TRIO: variants seen among roughly 807,000 people sequenced by gnomAD.
TRIO encodes the protein trio Rho guanine nucleotide exchange factor.
TRIO carries 58 observed loss-of-function variants against 351.9 expected under a neutral mutation model. The observed-to-expected ratio is 0.16, with a 90% confidence interval of 0.13 to 0.21. The LOEUF (loss-of-function observed/expected upper bound fraction) is 0.21, where lower values mean the gene tolerates loss of function less well. Among genes scored for constraint, TRIO ranks in the 10% least tolerant of loss-of-function variants. The pLI is 1.00. For synonymous variants in TRIO, 1,758 were observed against 1,595.7 expected (o/e 1.10, Z -2.42); for missense variants, 3,201 against 4,027.8 (o/e 0.79, Z 5.56).
At chr5:14,272,206 A>C (rs1796017723) in intron 2 of TRIO, among the ~76,000 whole-genome samples, 1 of 152,230 alleles carries the variant, frequency 6.6e-6, no homozygotes, top group Non-Finnish European at 1.5e-5. Flanking sequence ...GAAAGACTCT[A>C]CTTATAAAAA....
chr5:14,151,379 TGTGTGTTTG>T (rs758679323), intron 1 of TRIO, among the ~76,000 whole-genome samples: 51 of 84,294 alleles, frequency 6.1e-4, no homozygotes, highest in South Asian at 5.4e-3. Flanking sequence ...TGTGTGTGTG[TGTGTGTTTG>T]TGTGTGTGTG....
chr5:14,247,051 G>A (rs139936552), intron 1 of TRIO, among the ~76,000 whole-genome samples: 3 of 152,260 alleles, frequency 2.0e-5, no homozygotes, highest in South Asian at 4.2e-4. Context: ...GCAGGCCACC[G>A]CTGTCTGTCC....
At chr5:14,495,593 G>A (rs1028512365) in intron 49 of TRIO, among the ~76,000 whole-genome samples, 2 of 148,796 alleles carry the variant, frequency 1.3e-5, no homozygotes, top group South Asian at 2.2e-4. Flanking sequence ...AGGCTGAGGC[G>A]GGTGGATCAT....
At chr5:14,418,246 T>TG (rs903910041) in intron 33 of TRIO, among the ~76,000 whole-genome samples, 5 of 152,082 alleles carry the variant, frequency 3.3e-5, no homozygotes, top group African/African-American at 9.6e-5. Context: ...TTCTGGCCAC[T>TG]GGGGGGGACC....
intron 10 of TRIO, among the ~76,000 whole-genome samples, chr5:14,331,939 C>T (rs923320454): frequency 6.6e-6 from 1 of 152,072 alleles, no homozygotes; most frequent in African/African-American, 2.4e-5. Flanking sequence ...ACTTTTCATG[C>T]GAAGCTTTTT....
At chr5:14,499,143 C>G (rs1032577032) in intron 53 of TRIO, 1 of 154,410 alleles carries the variant, frequency 6.5e-6, no homozygotes, top group Admixed American at 6.3e-5. Context: ...TAACAGCAAC[C>G]CTTCTGGGTG....
intron 10 of TRIO, among the ~76,000 whole-genome samples, chr5:14,332,362 A>C (rs1293771428): frequency 6.6e-6 from 1 of 152,222 alleles, no homozygotes; most frequent in Non-Finnish European, 1.5e-5. Flanking sequence ...AGAAAAGCAG[A>C]CCAGTGACTC....
intron 8 of TRIO, among the ~76,000 whole-genome samples, chr5:14,309,315 C>T (rs374206939): frequency 1.3e-5 from 2 of 152,168 alleles, no homozygotes; most frequent in East Asian, 1.9e-4. Flanking sequence ...GGTGTATTTG[C>T]TCCATTTCCC....
chr5:14,210,042 T>C (rs1791787088), intron 1 of TRIO, among the ~76,000 whole-genome samples: 1 of 152,126 alleles, frequency 6.6e-6, no homozygotes, highest in Non-Finnish European at 1.5e-5. Context: ...GGAGCCCTGA[T>C]TGCTGGAGGA....
At chr5:14,352,913 G>A (rs1743269327) in intron 11 of TRIO, among the ~76,000 whole-genome samples, 1 of 151,850 alleles carries the variant, frequency 6.6e-6, no homozygotes, top group Admixed American at 6.6e-5. Context: ...ACTACCAGGT[G>A]GAAGGGAAAA....
In TRIO at chr5:14,328,272, C is replaced by G. The variant is rs140095728; in HGVS notation, c.1732-2506C>G. Among the ~76,000 whole-genome samples, 472 of 152,146 alleles carry G rather than the reference C, an allele frequency of 3.1e-3. 1 individual carries two copies. Among genetic ancestry groups the G allele is most frequent in the African/African-American group, 0.011 (449 of 41,542 alleles). On this transcript the variant is annotated intron_variant, in intron 9 of 56. Coordinates refer to ENST00000344204, the MANE Select transcript of TRIO (RefSeq NM_007118.4). ...ATGTGCAAGTTAAAACAATGCACTACTTAAAACAATGAGCTCAATACGCTA... is the reference window on the plus strand; with the variant it reads ...ATGTGCAAGTTAAAACAATGCACTAGTTAAAACAATGAGCTCAATACGCTA...
At chr5:14,387,333 T>A in intron 21 of TRIO, 105 bp from the exon 22 acceptor site, 1 of 1,204,584 alleles carries the variant, frequency 8.3e-7, no homozygotes, top group Non-Finnish European at 1.2e-6. Context: ...CATCAGCCGG[T>A]TTTCCTGTTC....
chr5:14,391,841 T>C (rs563952176), intron 27 of TRIO, among the ~76,000 whole-genome samples: 1 of 152,368 alleles, frequency 6.6e-6, no homozygotes, highest in African/African-American at 2.4e-5. Context: ...GATGAAGCCC[T>C]ACCTGTAGAT....
intron 1 of TRIO, among the ~76,000 whole-genome samples, chr5:14,235,171 C>G (rs1333943131): frequency 6.6e-6 from 1 of 152,210 alleles, no homozygotes; most frequent in Non-Finnish European, 1.5e-5. Flanking sequence ...ATAACTTACT[C>G]AAAATATAAG....
chr5:14,504,483 C>T lies in TRIO; in HGVS notation c.8502C>T (p.Arg2834=), dbSNP rs760721624. The T allele has an allele frequency of 2.1e-5, 34 of 1,614,134 alleles. No homozygotes were observed. The highest frequency in any genetic ancestry group is 2.6e-5 in the Non-Finnish European group (31 of 1,180,028). The change falls in exon 55 of 57, where the codon CGC becomes CGT. Residue 2834 remains arginine (R), a synonymous_variant. Coordinates refer to ENST00000344204, the MANE Select transcript of TRIO (RefSeq NM_007118.4). The stretch of plus-strand genomic sequence containing the variant: ...TTGTGAACAAGAAGTTGATGAAGCG[C>T]GACCAGGTCACCCATGAGCTTGGCA... ...TKFVNKKLMK[R]DQVTHELGIL... is the part of the protein sequence containing the mutation.
rs1736485700 is a variant in TRIO at position 14,286,866 on chromosome 5, T to C, written c.348-5T>C. The C allele has an allele frequency of 1.2e-6, 2 of 1,610,502 alleles. No individual in the cohort carries two copies. The highest frequency in any genetic ancestry group is 2.7e-5 in the African/African-American group (2 of 74,814). On this transcript the variant is annotated splice_polypyrimidine_tract_variant and splice_region_variant and intron_variant, in intron 3 of 56. Transcript: ENST00000344204. The surrounding 1 kb of genome is among the most constrained non-coding windows in gnomAD (Gnocchi z 4.4). ...CGTCTTCAGCCATGTTTTCTTTCTC[T>C]GCAGCGAGGAGGTCTGCAAGCGTGG... is the stretch of plus-strand genomic sequence containing the variant.
chr5:14,492,065 A>G (rs375949458), intron 48 of TRIO, among the ~76,000 whole-genome samples: 50 of 152,378 alleles, frequency 3.3e-4, no homozygotes, highest in African/African-American at 1.2e-3. Context: ...GCATGATTCT[A>G]GAGTATGCAT....
Position 14,194,572 on chromosome 5 carries a change from A to G in TRIO, c.157+50690A>G, listed in dbSNP as rs1463346796. On this transcript the variant is annotated intron_variant, in intron 1 of 56. Coordinates refer to ENST00000344204, the MANE Select transcript of TRIO (RefSeq NM_007118.4). The stretch of plus-strand genomic sequence containing the variant: ...GAAATTCAGTGAAATCCATGTTTCA[A>G]GGGTGGGATGTTATTCCAGGAATTC... Among the ~76,000 whole-genome samples the G allele has an allele frequency of 2.6e-5, 4 of 152,208 alleles. No homozygotes were observed. In the East Asian group the frequency reaches 7.7e-4, roughly 29 times the overall value.
intron 1 of TRIO, among the ~76,000 whole-genome samples, chr5:14,148,126 A>C (rs992966571): frequency 6.6e-6 from 1 of 152,188 alleles, no homozygotes; most frequent in Non-Finnish European, 1.5e-5. Flanking sequence ...CAATTTAACT[A>C]TTTAAGATTC....
Sources: gnomAD v4.1 joint callset for allele counts (sites outside exome capture counted in the v4.1 genomes callset) on GRCh38, gnomAD v4.1.1 for gene constraint, Gnocchi (gnomAD v3.1) non-coding constraint, MANE v1.5 for transcripts, NCBI Gene and HGNC (gene_info 2026-07-23, HGNC 2026-07-21) for gene names.